The following CA8 variants were observed in gnomAD, a reference collection of about 807,000 sequenced individuals.
CA8 encodes carbonic anhydrase 8 (inactive).
CA8 carries 22 observed loss-of-function variants against 41.4 expected under a neutral mutation model. That is an observed-to-expected ratio of 0.53 (90% CI 0.38 to 0.76). The LOEUF is 0.76. Among genes scored for constraint, CA8 ranks in the 30% least tolerant of loss-of-function variants. CA8 has a pLI of 0.00. For missense variants in CA8, 270 were observed against 352.8 expected (o/e 0.77, Z 1.88); for synonymous variants, 121 against 130.6 (o/e 0.93, Z 0.50).
chr8:60,273,612 C>T (rs1453137737), intron 2 of CA8, among the ~76,000 whole-genome samples: 2 of 152,312 alleles, frequency 1.3e-5, no homozygotes, highest in East Asian at 3.9e-4. Context: ...GTTATTTAAG[C>T]ACAGTGGAAG....
chr8:60,279,727 T>C lies in CA8; in HGVS notation c.254A>G (p.Asp85Gly). 6.2e-7 allele frequency: 1 copy of C among 1,614,164 alleles called. No homozygotes were observed. The highest frequency in any genetic ancestry group is 8.5e-7 in the Non-Finnish European group (1 of 1,180,030). The part of the protein sequence containing the change: ...VVCRDCEVTN[D>G]GHTIQVILKS... ...CAGGATAACCTGAATGGTATGTCCA[T>C]CATTGGTGACTTCACAGTCTCGGCA... The change falls in exon 2 of 9, where the codon GAT becomes GGT. Residue 85 changes from aspartate (D) to glycine (G), a missense_variant. By Grantham distance (94) the Asp-to-Gly change is moderately conservative. Around this residue, in one of 3 missense-constraint regions of CA8, gnomAD observed 123 missense variants for 136.8 expected, o/e 0.90. Coordinates refer to ENST00000317995, the MANE Select transcript of CA8 (RefSeq NM_004056.6).
rs1032341504 is a variant in CA8, at chr8:60,232,397, G to C, written c.418-18C>G. ...AGATGGAGCTGAGTGAGTGGCAACA[G>C]ACAGACCACATCATTTAATGTGCTA... On this transcript the variant is annotated intron_variant, in intron 3 of 8. Coordinates refer to ENST00000317995, the MANE Select transcript of CA8 (RefSeq NM_004056.6). 2.6e-6 allele frequency: 4 copies of C among 1,513,812 alleles called. No individual in the cohort carries two copies. The African/African-American group carries it at 5.5e-5, about 21-fold the overall frequency. The allele number at this position is 1,513,812 out of a possible 1,614,324, so 93.8% of individuals were successfully genotyped here.
chr8:60,252,766 G>T (rs1227588136), intron 3 of CA8, among the ~76,000 whole-genome samples: 1 of 152,160 alleles, frequency 6.6e-6, no homozygotes, highest in African/African-American at 2.4e-5. Context: ...GGAGCTTCTA[G>T]AGTTCAGATT....
intron 8 of CA8, among the ~76,000 whole-genome samples, chr8:60,203,971 T>C (rs1563522194): frequency 6.6e-6 from 1 of 152,200 alleles, no homozygotes; most frequent in Non-Finnish European, 1.5e-5. Flanking sequence ...AGGGCCTTTG[T>C]GAGGTCTGTT....
intron 3 of CA8, among the ~76,000 whole-genome samples, chr8:60,245,474 G>T (rs1248013312): frequency 1.3e-5 from 2 of 152,170 alleles, no homozygotes; most frequent in Non-Finnish European, 2.9e-5. Flanking sequence ...GCTCAAGGGA[G>T]TTGCACAAAG....
intron 3 of CA8, among the ~76,000 whole-genome samples, chr8:60,256,399 C>A (rs1040586322): frequency 6.6e-6 from 1 of 152,090 alleles, no homozygotes; most frequent in Non-Finnish European, 1.5e-5. Context: ...CCTAGGGAAC[C>A]ATGTCAGAAA....
At chr8:60,241,961 G>A (rs998645653) in intron 3 of CA8, among the ~76,000 whole-genome samples, 1 of 152,184 alleles carries the variant, frequency 6.6e-6, no homozygotes, top group African/African-American at 2.4e-5. Flanking sequence ...CCCTGAATGA[G>A]AGCCACGATG....
chr8:60,247,295 T>C (rs1431093384), intron 3 of CA8, among the ~76,000 whole-genome samples: 4 of 150,762 alleles, frequency 2.7e-5, no homozygotes, highest in Non-Finnish European at 5.9e-5. Context: ...ATATGCCGGA[T>C]TGTTACATAG....
intron 3 of CA8, among the ~76,000 whole-genome samples, chr8:60,251,457 A>T (rs866886791): frequency 2.0e-5 from 3 of 152,212 alleles, no homozygotes; most frequent in East Asian, 3.8e-4. Context: ...CCACTCACGC[A>T]TTCAGCGTGA....
At chr8:60,224,360 A>G (rs529765941) in intron 6 of CA8, among the ~76,000 whole-genome samples, 177 bp downstream of exon 6, 40 of 152,348 alleles carry the variant, frequency 2.6e-4, no homozygotes, top group Non-Finnish European at 5.7e-4. Flanking sequence ...TCTCTTTATT[A>G]TTTCAAAAGG....
chr8:60,257,846 C>CA (rs561660048), intron 3 of CA8, among the ~76,000 whole-genome samples: 84 of 152,322 alleles, frequency 5.5e-4, no homozygotes, highest in Non-Finnish European at 9.3e-4. Context: ...GAAATGTCTT[C>CA]AAAATCTTCC....
intron 3 of CA8, among the ~76,000 whole-genome samples, chr8:60,239,543 T>C (rs944657722): frequency 6.6e-5 from 10 of 152,156 alleles, no homozygotes; most frequent in African/African-American, 2.2e-4. Flanking sequence ...ATTTACAAAT[T>C]TGTGTTGGGC....
At chr8:60,195,278 G>A (rs539513349) in intron 8 of CA8, among the ~76,000 whole-genome samples, 81 of 152,274 alleles carry the variant, frequency 5.3e-4, no homozygotes, top group Non-Finnish European at 9.9e-4. Flanking sequence ...TCTTTCACAT[G>A]ACTTTTTCTT....
chr8:60,208,688 C>T, intron 8 of CA8, 62 bp downstream of exon 8: 1 of 1,390,124 alleles, frequency 7.2e-7, no homozygotes, highest in Non-Finnish European at 1.0e-6. Context: ...AATAAGTGTA[C>T]CTTTGGTACG....
chr8:60,245,287 A>AC (rs139936172), intron 3 of CA8, among the ~76,000 whole-genome samples: 7 of 151,824 alleles, frequency 4.6e-5, no homozygotes, highest in East Asian at 1.9e-4. Flanking sequence ...AAAAAAAAAA[A>AC]TTATCTTAAG....
intron 3 of CA8, among the ~76,000 whole-genome samples, chr8:60,248,074 T>C (rs949035850): frequency 1.5e-4 from 23 of 152,068 alleles, no homozygotes; most frequent in Non-Finnish European, 4.4e-5. Flanking sequence ...TGTCTGTTCA[T>C]ATACTTTGCC....
chr8:60,266,280 A>G (rs1196000712), intron 2 of CA8, among the ~76,000 whole-genome samples: 2 of 152,026 alleles, frequency 1.3e-5, no homozygotes, highest in Non-Finnish European at 2.9e-5. Flanking sequence ...CCTCTGAAAA[A>G]CTCATAATGA....
rs549669422 is a variant in CA8 at position 60,238,688 on chromosome 8, T to C, written c.418-6309A>G. Among the ~76,000 whole-genome samples, 8 of 152,284 alleles carry C rather than the reference T, an allele frequency of 5.3e-5. No homozygotes were observed. The East Asian group carries it at 1.5e-3, about 29-fold the overall frequency. ...CACAACTTTCACCACATTTCCTCTGTTGAAAATCTCTGATTTCCTTTATTT... is the reference window on the plus strand; with the variant it reads ...CACAACTTTCACCACATTTCCTCTGCTGAAAATCTCTGATTTCCTTTATTT... On this transcript the variant is annotated intron_variant, in intron 3 of 8. Coordinates refer to ENST00000317995, the MANE Select transcript of CA8 (RefSeq NM_004056.6).
intron 2 of CA8, among the ~76,000 whole-genome samples, chr8:60,271,807 T>C (rs1317384363): frequency 6.6e-6 from 1 of 152,236 alleles, no homozygotes; most frequent in East Asian, 1.9e-4. Context: ...CCACTCAGGC[T>C]AGAAATCTGT....
Sources: allele counts gnomAD v4.1 joint callset (sites outside exome capture counted in the v4.1 genomes callset), GRCh38; gene constraint gnomAD v4.1.1; regional missense constraint gnomAD v4.1.1; transcripts MANE v1.5; gene names NCBI Gene and HGNC (gene_info 2026-07-23, HGNC 2026-07-21).